The following SMG1 variants were observed in gnomAD, a reference collection of about 807,000 sequenced individuals.
SMG1 encodes serine/threonine-protein kinase SMG1.
In SMG1, 22 loss-of-function variants were observed where a neutral mutation model predicts 419.9. That is an observed-to-expected ratio of 0.05 (90% confidence interval 0.04 to 0.07). SMG1 has a LOEUF of 0.07. SMG1 is among the 10% of genes least tolerant of loss of function. The probability of loss-of-function intolerance (pLI) is 1.00; values close to 1 mark genes in which losing one functional copy is unlikely to be tolerated. For missense variants in SMG1, 3,185 were observed against 4,342.0 expected, an observed-to-expected ratio of 0.73 and a Z score of 7.49; for synonymous variants, 1,538 against 1,553.5, an observed-to-expected ratio of 0.99 and a Z score of 0.23.
chr16:18,915,137 A>G (rs2037923202), intron 1 of SMG1, among the ~76,000 whole-genome samples: 1 of 151,908 alleles, frequency 6.6e-6, no homozygotes, highest in Non-Finnish European at 1.5e-5. Context: ...ATGCCCAGCT[A>G]ATTTTTGTAT....
intron 56 of SMG1, 56 bp downstream of exon 56, chr16:18,819,446 T>A: frequency 6.4e-7 from 1 of 1,566,948 alleles, no homozygotes; most frequent in Non-Finnish European, 8.7e-7. Context: ...AACTTCCAGC[T>A]ACTCATCTAA....
intron 1 of SMG1, among the ~76,000 whole-genome samples, chr16:18,912,620 A>G (rs562578301): frequency 7.9e-5 from 12 of 152,246 alleles, no homozygotes; most frequent in Admixed American, 5.9e-4. Flanking sequence ...AATAAAAGGT[A>G]TCTTTTACAA....
chr16:18,894,003 G>C (rs12102295), intron 3 of SMG1, among the ~76,000 whole-genome samples: 10,474 of 150,984 alleles, frequency 0.069, 372 homozygotes, highest in African/African-American at 0.094. Flanking sequence ...GCTGCAGTGA[G>C]CTGAGATTGC....
intron 42 of SMG1, among the ~76,000 whole-genome samples, 197 bp downstream of exon 42, chr16:18,839,501 A>T (rs748347493): frequency 5.9e-5 from 9 of 151,448 alleles, no homozygotes; most frequent in Non-Finnish European, 1.3e-4. Context: ...TTCCTCCATA[A>T]CTCTTTCCCC....
At chr16:18,817,821 T>A (rs2032148250) in intron 56 of SMG1, among the ~76,000 whole-genome samples, 1 of 152,210 alleles carries the variant, frequency 6.6e-6, no homozygotes, top group African/African-American at 2.4e-5. Flanking sequence ...GTCAGAATGT[T>A]CCCCTTCTGC....
rs752476701 is a variant in SMG1, at chr16:18,863,690, T to A, written c.3655A>T (p.Ser1219Cys). The stretch of plus-strand genomic sequence containing the variant: ...TCAGCTTTCAGGTTGAGGGAAGTGC[T>A]ACTGGTACTCTTTTTCAAGTCATGG... ...AIHDLKKSTS[S>C]TSLNLKADFN... The change falls in exon 25 of 63, where the codon AGC (serine) becomes TGC (cysteine). Residue 1219 changes from serine (S) to cysteine (C), a missense_variant. By Grantham distance (112) the Ser-to-Cys change is moderately radical. Transcript: ENST00000446231. 1.9e-6 allele frequency: 3 copies of A among 1,595,122 alleles called. No homozygotes were observed. Among genetic ancestry groups the A allele is most frequent in the Non-Finnish European group, 8.5e-7 (1 of 1,178,494 alleles).
Position 18,881,115 on chromosome 16 carries a change from C to T in SMG1, c.1293+1050G>A, listed in dbSNP as rs551828314. On this transcript the variant is annotated intron_variant, in intron 10 of 62. Coordinates refer to ENST00000446231, the MANE Select transcript of SMG1 (RefSeq NM_015092.5). Reference sequence around the variant, plus strand: ...CCTGGGTGACAGAGTGAGGCTCTAGCTCCAAAAAAAAATTAAATTAAATTA... The same window carrying T: ...CCTGGGTGACAGAGTGAGGCTCTAGTTCCAAAAAAAAATTAAATTAAATTA... Among the ~76,000 whole-genome samples the T allele has an allele frequency of 5.5e-5, 8 of 146,680 alleles. No individual in the cohort carries two copies. In the South Asian group the frequency reaches 1.1e-3, roughly 19 times the overall value.
Position 18,850,453 on chromosome 16 carries a change from T to A in SMG1, c.5067A>T (p.Thr1689=). The change falls in exon 34 of 63, where the codon ACA becomes ACT. Residue 1689 remains threonine (T), a synonymous_variant. Coordinates refer to ENST00000446231, the MANE Select transcript of SMG1 (RefSeq NM_015092.5). ...TGTCTTCACTCTCAGTTATCTGAAG[T>A]GTTATATCTTCATCCTGAAGAAAAA... ...RPAGIQDEDI[T]LQITESEDNE... 1 of 1,610,482 alleles carries A rather than the reference T, an allele frequency of 6.2e-7. No homozygotes were observed. The highest frequency in any genetic ancestry group is 8.5e-7 in the Non-Finnish European group (1 of 1,177,646).
At chr16:18,854,567 AT>A in intron 30 of SMG1, 88 bp downstream of exon 30, 1 of 1,252,336 alleles carries the variant, frequency 8.0e-7, no homozygotes, top group South Asian at 1.6e-5. Flanking sequence ...CAACTTTGCT[AT>A]TACTACCTTA....
chr16:18,904,498 T>C (rs8047474), intron 1 of SMG1, among the ~76,000 whole-genome samples: 74,606 of 151,044 alleles, frequency 0.49, 18,762 homozygotes, highest in Middle Eastern at 0.6. Context: ...ATTACCTGCG[T>C]GTGGTGGCAC....
chr16:18,910,381 C>T (rs1433052103), intron 1 of SMG1, among the ~76,000 whole-genome samples: 1 of 151,950 alleles, frequency 6.6e-6, no homozygotes, highest in African/African-American at 2.4e-5. Context: ...CAGGCATGCA[C>T]CACCATGCCC....
intron 38 of SMG1, among the ~76,000 whole-genome samples, chr16:18,847,161 G>A (rs2034314868): frequency 6.6e-6 from 1 of 152,104 alleles, no homozygotes; most frequent in African/African-American, 2.4e-5. Flanking sequence ...ACTTCTATGA[G>A]GTAGCTAAAA....
intron 1 of SMG1, among the ~76,000 whole-genome samples, chr16:18,922,831 A>T (rs1412482199): frequency 6.6e-6 from 1 of 151,950 alleles, no homozygotes; most frequent in Non-Finnish European, 1.5e-5. Flanking sequence ...TGTAATCTCA[A>T]CACTTTGGGA....
intron 19 of SMG1, 73 bp from the exon 20 acceptor site, chr16:18,869,376 G>T: frequency 1.5e-6 from 2 of 1,291,016 alleles, no homozygotes; most frequent in Non-Finnish European, 2.2e-6. Context: ...AATGCAAGGG[G>T]AATAGGAATA....
chr16:18,854,588 T>TAC, intron 30 of SMG1, 68 bp downstream of exon 30: 2 of 1,421,812 alleles, frequency 1.4e-6, no homozygotes, highest in Non-Finnish European at 1.9e-6. Flanking sequence ...ATACCATACA[T>TAC]ACACAGTAAC....
chr16:18,892,121 T>C (rs1195527687), intron 4 of SMG1, 97 bp downstream of exon 4: 3 of 867,514 alleles, frequency 3.5e-6, no homozygotes, highest in Non-Finnish European at 5.7e-6. Context: ...ATCATCATAA[T>C]ACAGACTTTC....
intron 15 of SMG1, 35 bp from the exon 16 acceptor site, chr16:18,871,517 A>G (rs2035821009): frequency 5.8e-6 from 7 of 1,200,128 alleles, no homozygotes; most frequent in Non-Finnish European, 5.7e-6. Context: ...CTGTACATTA[A>G]AAAAAACAAA....
Position 18,838,452 on chromosome 16 carries a change from C to T in SMG1, c.7099G>A (p.Val2367Ile). 6.2e-7 allele frequency: 1 copy of T among 1,614,020 alleles called. No homozygotes were observed. ...ATTCGAAAAGGTACTTTCTCAGGAA[C>T]TCTAAGGCTTTTACCTTGAAAAGAC... ...VCFEKGKSLR[V>I]PEKVPFRMTQ... Residue 2367 changes from valine to isoleucine, a missense_variant, in exon 44 of 63, where the codon GTT (valine) becomes ATT (isoleucine). Physicochemically the swap from Val to Ile is conservative, Grantham distance 29. Coordinates refer to ENST00000446231, the MANE Select transcript of SMG1 (RefSeq NM_015092.5).
At position 18,897,068 on chromosome 16, in the gene SMG1, AATATGTACTATATATT is replaced by A. The variant is rs546844513; in HGVS notation, c.93-128_93-113del. The A allele has an allele frequency of 9.2e-3, 6,527 of 710,012 alleles. 42 individuals are homozygous for A. The highest frequency in any genetic ancestry group is 0.013 in the Non-Finnish European group (5,380 of 426,028). 44.0% of individuals were successfully genotyped at this position (710,012 alleles called of 1,614,324 possible). A position where few individuals can be genotyped will look rare whatever the true frequency, so the allele number is the denominator to read the frequency against. ...ACATTTAACCATTACTATTTAGTGT[AATATGTACTATATATT>A]ATATGTAAGCACTCAGCTGTCTAAT... is the stretch of plus-strand genomic sequence containing the variant. On this transcript the variant is annotated intron_variant, in intron 1 of 62. Transcript: ENST00000446231.
Sources: allele counts gnomAD v4.1 joint callset (sites outside exome capture counted in the v4.1 genomes callset), GRCh38; gene constraint gnomAD v4.1.1; transcripts MANE v1.5; gene names NCBI Gene and HGNC (gene_info 2026-07-23, HGNC 2026-07-21).